RASL11A: variants seen among roughly 807,000 people sequenced by gnomAD.
RASL11A encodes the protein ras-like protein family member 11A.
In RASL11A, 14 loss-of-function variants were observed where a neutral mutation model predicts 17.1. The observed-to-expected ratio is 0.82, with a 90% CI of 0.54 to 1.28. The LOEUF (loss-of-function observed/expected upper bound fraction) is 1.28, where lower values mean the gene tolerates loss of function less well. Among genes scored for constraint, RASL11A ranks in the 50% most tolerant of loss-of-function variants. RASL11A has a pLI of 0.00. For synonymous variants in RASL11A, 146 were observed against 132.5 expected (o/e 1.10, Z -0.70); for missense variants, 283 against 312.3 (o/e 0.91, Z 0.71).
rs1171098938 is a variant in RASL11A at position 27,270,890 on chromosome 13, G to T, written c.-55G>T. ...ACTCCCAGCTGGCGAGCCGGCTCCG[G>T]GTGCGGCGAGGCCCAGCCCTCTCGG... On this transcript the variant is annotated 5_prime_UTR_variant, in exon 1 of 4. Coordinates refer to ENST00000241463, the MANE Select transcript of RASL11A (RefSeq NM_206827.2). 11 of 1,541,878 alleles carry T rather than the reference G, an allele frequency of 7.1e-6. No homozygotes were observed. In the Admixed American group the frequency reaches 1.2e-4, roughly 17 times the overall value.
At chr13:27,272,203 C>G (rs1056818650) in intron 3 of RASL11A, among the ~76,000 whole-genome samples, 3 of 152,180 alleles carry the variant, frequency 2.0e-5, no homozygotes, top group African/African-American at 7.2e-5. Flanking sequence ...CAACTTCCGC[C>G]TCCTAGGTTC....
rs771124290 is a variant in RASL11A, at chr13:27,270,992, C to G, written c.48C>G (p.Pro16=). The change falls in exon 1 of 4, where the codon CCC becomes CCG. Residue 16 remains proline, a synonymous_variant. Coordinates refer to ENST00000241463, the MANE Select transcript of RASL11A (RefSeq NM_206827.2). ...MSGHFLLAPI[P]ESSSDYLLPK... ...GGCACTTTCTGCTCGCACCCATCCC[C>G]GAGTCCTCCTCGGACTACCTACTGC... The G allele has an allele frequency of 1.3e-6, 2 of 1,595,952 alleles. No individual in the cohort carries two copies. The highest frequency in any genetic ancestry group is 1.7e-6 in the Non-Finnish European group (2 of 1,171,684).
At position 27,273,250 on chromosome 13, in the gene RASL11A, G is replaced by C. The variant is rs372256338; in HGVS notation, c.485G>C (p.Gly162Ala). The C allele has an allele frequency of 5.6e-6, 9 of 1,614,096 alleles. No homozygotes were observed. Among genetic ancestry groups the C allele is most frequent in the African/African-American group, 2.7e-5 (2 of 74,936 alleles). The change falls in exon 4 of 4, where the codon GGT becomes GCT. Residue 162 changes from glycine (G) to alanine (A), a missense_variant. Coordinates refer to ENST00000241463, the MANE Select transcript of RASL11A (RefSeq NM_206827.2). ...LHARQVQTQD[G>A]IQLANELGSL... is the part of the protein sequence containing the mutation. ...GCCCGGCAGGTGCAGACACAGGACGGTATTCAGCTAGCCAATGAGCTGGGC... is the reference window on the plus strand; with the variant it reads ...GCCCGGCAGGTGCAGACACAGGACGCTATTCAGCTAGCCAATGAGCTGGGC...
At position 27,270,881 on chromosome 13, in the gene RASL11A, C is replaced by A. The variant is rs1593267454; in HGVS notation, c.-64C>A. The A allele has an allele frequency of 6.5e-7, 1 of 1,536,062 alleles. No individual in the cohort carries two copies. The highest frequency in any genetic ancestry group is 8.8e-7 in the Non-Finnish European group (1 of 1,140,210). On this transcript the variant is annotated 5_prime_UTR_variant, in exon 1 of 4. Coordinates refer to ENST00000241463, the MANE Select transcript of RASL11A (RefSeq NM_206827.2). ...TAGTCCCGCACTCCCAGCTGGCGAGCCGGCTCCGGGTGCGGCGAGGCCCAG... is the reference window on the plus strand; with the variant it reads ...TAGTCCCGCACTCCCAGCTGGCGAGACGGCTCCGGGTGCGGCGAGGCCCAG...
Position 27,271,037 on chromosome 13 carries a change from G to A in RASL11A, c.93G>A (p.Ala31=). The A allele has an allele frequency of 1.3e-6, 2 of 1,583,374 alleles. No individual in the cohort carries two copies. Among genetic ancestry groups the A allele is most frequent in the Non-Finnish European group, 1.7e-6 (2 of 1,164,716 alleles). Reference sequence around the variant, plus strand: ...TACTGCCCAAGGACATCAAACTGGCGGTGCTGGGCGCCGGCCGCGTGGGCA... The same window carrying A: ...TACTGCCCAAGGACATCAAACTGGCAGTGCTGGGCGCCGGCCGCGTGGGCA... ...DYLLPKDIKL[A]VLGAGRVGKS... Residue 31 remains alanine, a synonymous_variant, in exon 1 of 4, where the codon GCG becomes GCA. Coordinates refer to ENST00000241463, the MANE Select transcript of RASL11A (RefSeq NM_206827.2).
chr13:27,272,036 C>T (rs974822653), intron 3 of RASL11A, among the ~76,000 whole-genome samples: 1 of 151,926 alleles, frequency 6.6e-6, no homozygotes, highest in Non-Finnish European at 1.5e-5. Context: ...GAACCATTAA[C>T]AAAGAAAAAA....
Position 27,273,400 on chromosome 13 carries a change from T to C in RASL11A, c.635T>C (p.Ile212Thr). The C allele has an allele frequency of 6.2e-7, 1 of 1,614,110 alleles. No individual in the cohort carries two copies. The highest frequency in any genetic ancestry group is 8.5e-7 in the Non-Finnish European group (1 of 1,180,016). Residue 212 changes from isoleucine to threonine, a missense_variant, in exon 4 of 4, where the codon ATC becomes ACC. Physicochemically the swap from Ile to Thr is moderately conservative, Grantham distance 89. Transcript: ENST00000241463. The part of the protein sequence containing the change: ...LSGERRRASI[I>T]PRPRSPNMQD... ...GGGGAAAGAAGAAGAGCCTCCATCATCCCTCGGCCCCGCTCTCCCAACATG... is the reference window on the plus strand; with the variant it reads ...GGGGAAAGAAGAAGAGCCTCCATCACCCCTCGGCCCCGCTCTCCCAACATG...
intron 1 of RASL11A, 156 bp downstream of exon 1, chr13:27,271,224 G>T (rs891391014): frequency 3.4e-6 from 5 of 1,449,460 alleles, no homozygotes; most frequent in Non-Finnish European, 2.7e-6. Flanking sequence ...GGTCCGTCCC[G>T]GCCTGCTTCC....
chr13:27,271,968 C>T (rs961332036), intron 3 of RASL11A, among the ~76,000 whole-genome samples: 8 of 152,204 alleles, frequency 5.3e-5, no homozygotes, highest in African/African-American at 1.9e-4. Flanking sequence ...CACTTTGCAA[C>T]CCTGGTGGGC....
Position 27,273,622 on chromosome 13 carries a change from A to G in RASL11A, c.*128A>G. On this transcript the variant is annotated 3_prime_UTR_variant, in exon 4 of 4. Coordinates refer to ENST00000241463, the MANE Select transcript of RASL11A (RefSeq NM_206827.2). The stretch of plus-strand genomic sequence containing the variant: ...AAAATTGATTTTCAAGTACATGTGT[A>G]TTTCTGAAAATTCAAACAGTGATTG... 1.9e-6 allele frequency: 1 copy of G among 539,202 alleles called. No individual in the cohort carries two copies. Among genetic ancestry groups the G allele is most frequent in the Non-Finnish European group, 2.9e-6 (1 of 346,238 alleles). The allele number at this position is 539,202 out of a possible 1,614,324, so 33.4% of individuals were successfully genotyped here.
At chr13:27,271,368 T>TG in intron 1 of RASL11A, 116 bp from the exon 2 acceptor site, 2 of 1,550,474 alleles carry the variant, frequency 1.3e-6, no homozygotes. Context: ...GCGGAGCCTC[T>TG]GGAAGCGAGC....
chr13:27,270,890 G>C lies in RASL11A; in HGVS notation c.-55G>C. On this transcript the variant is annotated 5_prime_UTR_variant, in exon 1 of 4. Transcript: ENST00000241463. ...ACTCCCAGCTGGCGAGCCGGCTCCG[G>C]GTGCGGCGAGGCCCAGCCCTCTCGG... 6.5e-7 allele frequency: 1 copy of C among 1,541,992 alleles called. No homozygotes were observed. The highest frequency in any genetic ancestry group is 1.4e-5 in the African/African-American group (1 of 71,886).
rs1324567828 is a variant in RASL11A, at chr13:27,274,034, C to T, written c.*540C>T. Among the ~76,000 whole-genome samples the T allele has an allele frequency of 1.3e-5, 2 of 152,102 alleles. No individual in the cohort carries two copies. Among genetic ancestry groups the T allele is most frequent in the Non-Finnish European group, 2.9e-5 (2 of 68,006 alleles). ...CAAGGGAAGGGGTACAATGCTAAAA[C>T]GTTACAAGCCATGAGTAACATTTAT... On this transcript the variant is annotated 3_prime_UTR_variant, in exon 4 of 4. Coordinates refer to ENST00000241463, the MANE Select transcript of RASL11A (RefSeq NM_206827.2).
In RASL11A at chr13:27,273,450, C is replaced by T; in HGVS notation, c.685C>T (p.Gln229Ter). 6.2e-7 allele frequency: 1 copy of T among 1,614,192 alleles called. No individual in the cohort carries two copies. The highest frequency in any genetic ancestry group is 8.5e-7 in the Non-Finnish European group (1 of 1,180,022). ...NMQDLKRRFKQALSPKVKAPS... is the reference protein window; with the variant it reads ...NMQDLKRRFK The stretch of plus-strand genomic sequence containing the variant: ...GCAGGACCTGAAGAGACGCTTCAAG[C>T]AGGCTCTGTCTCCCAAAGTCAAAGC... The change falls in exon 4 of 4, where the codon CAG becomes TAG. Residue 229 changes from glutamine (Q) to a stop codon, truncating the protein, a stop_gained. Transcript: ENST00000241463. LOFTEE classifies it high-confidence loss of function.
chr13:27,273,222 C>T lies in RASL11A; in HGVS notation c.457C>T (p.His153Tyr). The T allele has an allele frequency of 6.2e-7, 1 of 1,614,240 alleles. No homozygotes were observed. The highest frequency in any genetic ancestry group is 8.5e-7 in the Non-Finnish European group (1 of 1,180,030). Residue 153 changes from histidine (H) to tyrosine (Y), a missense_variant, in exon 4 of 4, where the codon CAT becomes TAT. Coordinates refer to ENST00000241463, the MANE Select transcript of RASL11A (RefSeq NM_206827.2). ...CGTGGGCAACAAGGGGGACCTTTTGCATGCCCGGCAGGTGCAGACACAGGA... is the reference window on the plus strand; with the variant it reads ...CGTGGGCAACAAGGGGGACCTTTTGTATGCCCGGCAGGTGCAGACACAGGA... Reference protein sequence around the residue: ...IIVGNKGDLLHARQVQTQDGI... With the variant: ...IIVGNKGDLLYARQVQTQDGI...
chr13:27,271,236 T>C (rs915850504), intron 1 of RASL11A, 168 bp downstream of exon 1: 2 of 1,446,460 alleles, frequency 1.4e-6, no homozygotes, highest in Non-Finnish European at 1.8e-6. Context: ...CCTGCTTCCC[T>C]GGCGTTTCCT....
rs201895282 is a variant in RASL11A, at chr13:27,270,993, G to C, written c.49G>C (p.Glu17Gln). The C allele has an allele frequency of 5.6e-6, 9 of 1,595,624 alleles. No homozygotes were observed. Among genetic ancestry groups the C allele is most frequent in the African/African-American group, 1.3e-5 (1 of 74,252 alleles). Reference protein sequence around the residue: ...SGHFLLAPIPESSSDYLLPKD... With the variant: ...SGHFLLAPIPQSSSDYLLPKD... ...GCACTTTCTGCTCGCACCCATCCCC[G>C]AGTCCTCCTCGGACTACCTACTGCC... is the stretch of plus-strand genomic sequence containing the variant. Residue 17 changes from glutamate (E) to glutamine (Q), a missense_variant, in exon 1 of 4, where the codon GAG (glutamate) becomes CAG (glutamine). Physicochemically the swap from Glu to Gln is conservative, Grantham distance 29. Coordinates refer to ENST00000241463, the MANE Select transcript of RASL11A (RefSeq NM_206827.2).
In RASL11A at chr13:27,273,368, C is replaced by T. The variant is rs372488826; in HGVS notation, c.603C>T (p.Gly201=). ...GCAAAGAAGTGAGCAAGATGCACGG[C>T]CTCAGTGGGGAAAGAAGAAGAGCCT... ...HLCKEVSKMH[G]LSGERRRASI... is the part of the protein sequence containing the mutation. Residue 201 remains glycine, a synonymous_variant, in exon 4 of 4, where the codon GGC becomes GGT. Transcript: ENST00000241463. The T allele has an allele frequency of 2.3e-5, 37 of 1,614,116 alleles. No homozygotes were observed. Among genetic ancestry groups the T allele is most frequent in the Non-Finnish European group, 2.8e-5 (33 of 1,180,040 alleles).
intron 3 of RASL11A, among the ~76,000 whole-genome samples, chr13:27,272,232 C>A (rs1279979726): frequency 6.6e-6 from 1 of 152,138 alleles, no homozygotes; most frequent in Non-Finnish European, 1.5e-5. Flanking sequence ...CTCCTCGATT[C>A]TCCTGCTTCA....
Sources: gnomAD v4.1 joint callset for allele counts (sites outside exome capture counted in the v4.1 genomes callset) on GRCh38, gnomAD v4.1.1 for gene constraint, MANE v1.5 for transcripts, NCBI Gene and HGNC (gene_info 2026-07-23, HGNC 2026-07-21) for gene names.